PIEZO2: variants seen among roughly 807,000 people sequenced by gnomAD.
The protein encoded by PIEZO2 is piezo type mechanosensitive ion channel component 2.
A neutral mutation model predicts 337.3 loss-of-function variants in PIEZO2; 172 were observed. The ratio of observed to expected loss-of-function variants is 0.51; its 90% confidence interval spans 0.45 to 0.58. The LOEUF is 0.58. PIEZO2 is among the 20% of genes least tolerant of loss of function. The pLI, the probability that PIEZO2 is intolerant of heterozygous loss-of-function variation, is 0.00. For synonymous variants in PIEZO2, 1,251 were observed against 1,228.5 expected (o/e 1.02, Z -0.38); for missense variants, 3,028 against 3,391.3 (o/e 0.89, Z 2.66).
rs754475964 is a variant in PIEZO2 at position 10,689,751 on chromosome 18, C to T, written c.7401G>A (p.Val2467=). 20 of 1,614,054 alleles carry T rather than the reference C, an allele frequency of 1.2e-5. No individual in the cohort carries two copies. Among genetic ancestry groups the T allele is most frequent in the South Asian group, 9.9e-5 (9 of 91,074 alleles). Residue 2467 remains valine, a synonymous_variant, in exon 49 of 56, where the codon GTG becomes GTA. Coordinates refer to ENST00000674853, the MANE Select transcript of PIEZO2 (RefSeq NM_001378183.1). ...LTELRAVMDW[V]WTDTTLSLSS... is the part of the protein sequence containing the mutation. ...ACAGGCTCAAAGTTGTGTCCGTCCACACCCAGTCCATCACTGCCCTCAGCT... is the reference window on the plus strand; with the variant it reads ...ACAGGCTCAAAGTTGTGTCCGTCCATACCCAGTCCATCACTGCCCTCAGCT...
intron 2 of PIEZO2, among the ~76,000 whole-genome samples, chr18:11,029,055 C>A (rs2036638157): frequency 1.3e-5 from 2 of 152,122 alleles, no homozygotes; most frequent in Admixed American, 6.5e-5. Flanking sequence ...CTCGTAATAG[C>A]AAAAAATTAA....
Position 11,104,044 on chromosome 18 carries a change from T to C in PIEZO2, c.65-37822A>G, listed in dbSNP as rs2039492596. On this transcript the variant is annotated intron_variant, in intron 1 of 55. Coordinates refer to ENST00000674853, the MANE Select transcript of PIEZO2 (RefSeq NM_001378183.1). The surrounding 1 kb of genome is among the most constrained non-coding windows in gnomAD (Gnocchi z 4.6). ...AAACACGTGGATCACTGAAAGTTAC[T>C]GGTTTTCATGTCTTCATTTCCAGTT... Among the ~76,000 whole-genome samples, 1 of 152,196 alleles carries C rather than the reference T, an allele frequency of 6.6e-6. No individual in the cohort carries two copies. The highest frequency in any genetic ancestry group is 6.5e-5 in the Admixed American group (1 of 15,280).
chr18:10,976,198 A>G (rs1021825569), intron 3 of PIEZO2, among the ~76,000 whole-genome samples: 4 of 152,200 alleles, frequency 2.6e-5, no homozygotes, highest in Non-Finnish European at 4.4e-5. Flanking sequence ...GTCTGTGTCA[A>G]TCTTGGACTA....
Position 10,841,378 on chromosome 18 carries a change from A to G in PIEZO2, c.917+13975T>C, listed in dbSNP as rs60918228. 5.5e-3 allele frequency among the ~76,000 whole-genome samples: 836 copies of G among 152,220 alleles called. 7 individuals are homozygous for G. Among genetic ancestry groups the G allele is most frequent in the African/African-American group, 0.018 (731 of 41,534 alleles). ...AGTTTGGCAAGTTTCATGAGCTGAA[A>G]AGATGTAGCTTGTAGTTGAGCCACA... On this transcript the variant is annotated intron_variant, in intron 7 of 55. Coordinates refer to ENST00000674853, the MANE Select transcript of PIEZO2 (RefSeq NM_001378183.1).
At chr18:10,839,631 A>T (rs76741032) in intron 7 of PIEZO2, among the ~76,000 whole-genome samples, 8,856 of 152,286 alleles carry the variant, frequency 0.058, 364 homozygotes, top group Non-Finnish European at 0.084. Context: ...AAGCAGCAGG[A>T]GTCAACCCTG....
Position 10,672,748 on chromosome 18 carries a change from G to A in PIEZO2, c.8287C>T (p.Leu2763=), listed in dbSNP as rs1328779884. The change falls in exon 55 of 56, where the codon CTG becomes TTG. Residue 2763 remains leucine, a synonymous_variant. Coordinates refer to ENST00000674853, the MANE Select transcript of PIEZO2 (RefSeq NM_001378183.1). This position sits in a 1 kb window ranked among gnomAD's most constrained non-coding sequence, Gnocchi z 4.7. ...CTGACTTTGTCATTGAAGACCACCA[G>A]TTCCAGGGCCTGAGAGTTCGGATTG... ...IYNPNSQALE[L]VVFNDKVSPP... is the part of the protein sequence containing the mutation. The A allele has an allele frequency of 1.2e-6, 2 of 1,614,098 alleles. No individual in the cohort carries two copies. The highest frequency in any genetic ancestry group is 4.5e-5 in the East Asian group (2 of 44,876).
At chr18:11,045,074 T>C (rs955278250) in intron 2 of PIEZO2, among the ~76,000 whole-genome samples, 1 of 151,746 alleles carries the variant, frequency 6.6e-6, no homozygotes, top group African/African-American at 2.4e-5. Context: ...AGTGGGCGGA[T>C]CACGAGGTCA....
intron 18 of PIEZO2, among the ~76,000 whole-genome samples, chr18:10,774,726 T>C (rs1279599767): frequency 2.6e-5 from 4 of 152,222 alleles, no homozygotes; most frequent in African/African-American, 9.6e-5. Context: ...ATTAATGTTT[T>C]AAAGAACTTC....
At position 11,110,174 on chromosome 18, in the gene PIEZO2, G is replaced by C. The variant is rs1055342823; in HGVS notation, c.64+38351C>G. Reference sequence around the variant, plus strand: ...GCATCTTACTCTATCACCCAGGCTGGAGTAAAGTGGTGTGATCATAGCTCA... The same window carrying C: ...GCATCTTACTCTATCACCCAGGCTGCAGTAAAGTGGTGTGATCATAGCTCA... On this transcript the variant is annotated intron_variant, in intron 1 of 55. Coordinates refer to ENST00000674853, the MANE Select transcript of PIEZO2 (RefSeq NM_001378183.1). This position sits in a 1 kb window ranked among gnomAD's most constrained non-coding sequence, Gnocchi z 4.2. 3.9e-5 allele frequency among the ~76,000 whole-genome samples: 6 copies of C among 152,094 alleles called. No homozygotes were observed. The East Asian group carries it at 9.7e-4, about 24-fold the overall frequency.
At position 10,846,293 on chromosome 18, in the gene PIEZO2, T is replaced by C. The variant is rs1300312652; in HGVS notation, c.917+9060A>G. On this transcript the variant is annotated intron_variant, in intron 7 of 55. Coordinates refer to ENST00000674853, the MANE Select transcript of PIEZO2 (RefSeq NM_001378183.1). The surrounding 1 kb of genome is among the most constrained non-coding windows in gnomAD (Gnocchi z 4.1). ...GCTCATGCAGGCAAACTCCCGTTTTTTAAAACCATCAGATTTGTGAGACTC... is the reference window on the plus strand; with the variant it reads ...GCTCATGCAGGCAAACTCCCGTTTTCTAAAACCATCAGATTTGTGAGACTC... Among the ~76,000 whole-genome samples the C allele has an allele frequency of 6.6e-6, 1 of 152,184 alleles. No individual in the cohort carries two copies. The highest frequency in any genetic ancestry group is 1.5e-5 in the Non-Finnish European group (1 of 68,030).
chr18:11,034,352 A>G (rs112648891), intron 2 of PIEZO2, among the ~76,000 whole-genome samples: 34,836 of 150,824 alleles, frequency 0.23, 5,158 homozygotes, highest in Non-Finnish European at 0.33. Context: ...CTGGAGTGCA[A>G]TGGTGCGATC....
intron 29 of PIEZO2, among the ~76,000 whole-genome samples, chr18:10,749,437 T>C (rs1230843539): frequency 6.6e-6 from 1 of 152,142 alleles, no homozygotes; most frequent in South Asian, 2.1e-4. Flanking sequence ...TAGTTCAGCC[T>C]GGGTAACAGA....
intron 1 of PIEZO2, among the ~76,000 whole-genome samples, chr18:11,085,469 G>A (rs11080487): frequency 0.29 from 43,845 of 151,770 alleles, 7,012 homozygotes; most frequent in South Asian, 0.54. Flanking sequence ...CCCCTGTAAC[G>A]TATCAGGCAA....
chr18:10,704,317 G>T, intron 42 of PIEZO2, 77 bp downstream of exon 42: 1 of 1,491,566 alleles, frequency 6.7e-7, no homozygotes, highest in Non-Finnish European at 8.9e-7. Flanking sequence ...TCTCAAGAGA[G>T]GGCACAGGGA....
chr18:10,794,757 A>G lies in PIEZO2; in HGVS notation c.1758+15T>C. On this transcript the variant is annotated intron_variant, in intron 13 of 55. Transcript: ENST00000674853. The surrounding 1 kb of genome is among the most constrained non-coding windows in gnomAD (Gnocchi z 6.6). ...TTGTGTCATTGTTTTGTTTTATTGT[A>G]TTCTATTCACTTACTTTGGAAGCAA... 1 of 1,481,160 alleles carries G rather than the reference A, an allele frequency of 6.8e-7. No homozygotes were observed. Among genetic ancestry groups the G allele is most frequent in the Non-Finnish European group, 9.1e-7 (1 of 1,102,202 alleles). The allele number at this position is 1,481,160 out of a possible 1,614,324, so 91.8% of individuals were successfully genotyped here. A position where few individuals can be genotyped will look rare whatever the true frequency, so the allele number is the denominator to read the frequency against.
intron 52 of PIEZO2, among the ~76,000 whole-genome samples, 155 bp from the exon 53 acceptor site, chr18:10,678,030 A>G (rs985793326): frequency 2.0e-5 from 3 of 152,184 alleles, no homozygotes; most frequent in East Asian, 1.9e-4. Context: ...CTTCACCTCA[A>G]TGCTCAGCTT....
Position 10,725,130 on chromosome 18 carries a change from C to T in PIEZO2, c.5029+6277G>A, listed in dbSNP as rs138833430. 6.3e-4 allele frequency: 921 copies of T among 1,457,928 alleles called. 10 individuals carry two copies. The African/African-American group carries it at 0.012, about 18-fold the overall frequency. 90.3% of individuals were successfully genotyped at this position (1,457,928 alleles called of 1,614,324 possible). A position where few individuals can be genotyped will look rare whatever the true frequency, so the allele number is the denominator to read the frequency against. On this transcript the variant is annotated intron_variant, in intron 36 of 55. Transcript: ENST00000674853. ...ATCCACAGTTCGAGTACCAGGAGCC[C>T]ATGCCTATGGCTGTGCTGAAGTACT...
intron 3 of PIEZO2, among the ~76,000 whole-genome samples, chr18:10,955,419 T>C (rs993572788): frequency 1.3e-5 from 2 of 152,204 alleles, no homozygotes; most frequent in African/African-American, 4.8e-5. Flanking sequence ...ATCTGAAGAT[T>C]CTGAGGTGAG....
At chr18:10,801,167 C>G (rs80222941) in intron 10 of PIEZO2, among the ~76,000 whole-genome samples, 1 of 152,332 alleles carries the variant, frequency 6.6e-6, no homozygotes, top group Non-Finnish European at 1.5e-5. Context: ...GAACAAAACA[C>G]TTTTTAAAAA....
Sources: allele counts gnomAD v4.1 joint callset (sites outside exome capture counted in the v4.1 genomes callset), GRCh38; gene constraint gnomAD v4.1.1; non-coding constraint Gnocchi (gnomAD v3.1); transcripts MANE v1.5; gene names NCBI Gene and HGNC (gene_info 2026-07-23, HGNC 2026-07-21).